Variants in NXPE2 observed in about 807,000 individuals in gnomAD.
NXPE2 encodes the protein NXPE family member 2.
In NXPE2, 34 loss-of-function variants were observed where a neutral mutation model predicts 34.4. The ratio of observed to expected loss-of-function variants is 0.99; its 90% CI spans 0.75 to 1.31. The LOEUF (loss-of-function observed/expected upper bound fraction) is 1.31. NXPE2 is among the 40% of genes most tolerant of loss of function. The probability of loss-of-function intolerance (pLI) is 0.00; values close to 1 mark genes in which losing one functional copy is unlikely to be tolerated. For synonymous variants in NXPE2, 235 were observed against 231.3 expected (o/e 1.02, Z -0.15); for missense variants, 649 against 672.5 (o/e 0.97, Z 0.39).
chr11:114,669,604 C>T, the NXPE2 span, among the ~76,000 whole-genome samples: 2 of 152,060 alleles, frequency 1.3e-5, no homozygotes, highest in East Asian at 3.9e-4. Context: ...CAATTATTCT[C>T]ACTTCAGCTC....
At chr11:114,542,000 TA>T in the NXPE2 span, among the ~76,000 whole-genome samples, 1 of 152,206 alleles carries the variant, frequency 6.6e-6, no homozygotes, top group South Asian at 2.1e-4. Flanking sequence ...AGAGGCATAA[TA>T]AAAATTCCCA....
chr11:114,721,461 C>T, the NXPE2 span, among the ~76,000 whole-genome samples: 75 of 152,140 alleles, frequency 4.9e-4, no homozygotes, highest in African/African-American at 1.6e-3. Flanking sequence ...CAGGACTATG[C>T]CCCATTTCTG....
chr11:114,632,086 T>C, the NXPE2 span, among the ~76,000 whole-genome samples: 1 of 145,178 alleles, frequency 6.9e-6, no homozygotes, highest in South Asian at 2.1e-4. Context: ...AATATTATTA[T>C]ATTGTAAATA....
At chr11:114,566,937 A>G in the NXPE2 span, among the ~76,000 whole-genome samples, 1 of 152,174 alleles carries the variant, frequency 6.6e-6, no homozygotes, top group East Asian at 1.9e-4. Context: ...CTTTGTATAC[A>G]TTCTCTGCAA....
At chr11:114,790,823 T>A in the NXPE2 span, among the ~76,000 whole-genome samples, 2 of 152,052 alleles carry the variant, frequency 1.3e-5, no homozygotes, top group Admixed American at 1.3e-4. Context: ...ACAGAACCCA[T>A]GCTGCTCCCT....
the NXPE2 span, among the ~76,000 whole-genome samples, chr11:114,465,494 G>A: frequency 6.6e-6 from 1 of 152,084 alleles, no homozygotes; most frequent in East Asian, 1.9e-4. Context: ...ATGAAGGAAG[G>A]GCATCAAAAT....
the NXPE2 span, among the ~76,000 whole-genome samples, chr11:114,774,056 T>C: frequency 0.35 from 52,671 of 152,090 alleles, 9,538 homozygotes; most frequent in East Asian, 0.58. Context: ...CCTCTACTGC[T>C]CTTGAAACTG....
At chr11:114,609,089 TAA>T in the NXPE2 span, among the ~76,000 whole-genome samples, 1 of 151,942 alleles carries the variant, frequency 6.6e-6, no homozygotes. Flanking sequence ...CGGTGGATAA[TAA>T]GTGTTGCCTC....
At chr11:114,788,244 A>G in the NXPE2 span, among the ~76,000 whole-genome samples, 1 of 152,192 alleles carries the variant, frequency 6.6e-6, no homozygotes, top group African/African-American at 2.4e-5. Context: ...TTTGTGGCAG[A>G]GCTGAGCTTA....
At chr11:114,781,934 G>A in the NXPE2 span, among the ~76,000 whole-genome samples, 1 of 152,142 alleles carries the variant, frequency 6.6e-6, no homozygotes, top group African/African-American at 2.4e-5. Context: ...AGGGCAAGTG[G>A]CCCTGCTGAA....
the NXPE2 span, among the ~76,000 whole-genome samples, chr11:114,638,488 C>T: frequency 6.6e-6 from 1 of 152,068 alleles, no homozygotes; most frequent in Non-Finnish European, 1.5e-5. Context: ...CTCCGTCCAA[C>T]TTTGTTCCAT....
chr11:114,504,816 G>A, the NXPE2 span, among the ~76,000 whole-genome samples: 1 of 152,282 alleles, frequency 6.6e-6, no homozygotes, highest in South Asian at 2.1e-4. Context: ...CAACAAGCTC[G>A]AGTGCCTTCT....
chr11:114,476,631 A>G, the NXPE2 span, among the ~76,000 whole-genome samples: 1 of 152,176 alleles, frequency 6.6e-6, no homozygotes, highest in African/African-American at 2.4e-5. Context: ...CTTCTTCACA[A>G]GGTGGCAAGA....
At chr11:114,766,553 A>G in the NXPE2 span, among the ~76,000 whole-genome samples, 1 of 150,226 alleles carries the variant, frequency 6.7e-6, no homozygotes, top group South Asian at 2.1e-4. Context: ...TTTTTCCTTC[A>G]TTATTTTTCC....
the NXPE2 span, among the ~76,000 whole-genome samples, chr11:114,787,376 G>A: frequency 6.6e-6 from 1 of 152,138 alleles, no homozygotes. Context: ...CTGTGGCGTG[G>A]GGTGGGAACG....
chr11:114,617,576 G>A, the NXPE2 span, among the ~76,000 whole-genome samples: 1 of 152,068 alleles, frequency 6.6e-6, no homozygotes, highest in Non-Finnish European at 1.5e-5. Context: ...TGCCTCACGG[G>A]TAACCGGTGT....
At chr11:114,746,748 A>G in the NXPE2 span, among the ~76,000 whole-genome samples, 3 of 152,008 alleles carry the variant, frequency 2.0e-5, no homozygotes, top group East Asian at 5.8e-4. Context: ...ATCCTTGGGA[A>G]CTTGAGGCAG....
At chr11:114,776,879 GAACT>G in the NXPE2 span, among the ~76,000 whole-genome samples, 1 of 152,134 alleles carries the variant, frequency 6.6e-6, no homozygotes, top group East Asian at 1.9e-4. Flanking sequence ...CATGACAAAA[GAACT>G]AACAGCTGCA....
chr11:114,795,947 C>A, the NXPE2 span, among the ~76,000 whole-genome samples: 6 of 152,124 alleles, frequency 3.9e-5, no homozygotes, highest in African/African-American at 7.2e-5. Flanking sequence ...CCAGGTAGAT[C>A]CACCCTATCC....
Sources: allele counts gnomAD v4.1 joint callset (sites outside exome capture counted in the v4.1 genomes callset), GRCh38; gene constraint gnomAD v4.1.1; transcripts MANE v1.5; gene names NCBI Gene and HGNC (gene_info 2026-07-23, HGNC 2026-07-21).